Variants in C10orf90 observed in about 807,000 individuals in gnomAD.
C10orf90 encodes the protein chromosome 10 open reading frame 90.
A neutral mutation model predicts 62.5 loss-of-function variants in C10orf90; 56 were observed. That is an observed-to-expected ratio of 0.90 (90% CI 0.72 to 1.12). The LOEUF (loss-of-function observed/expected upper bound fraction) is 1.12. Ranked by LOEUF, C10orf90 falls within the 50% of genes most tolerant of loss-of-function variation. The pLI is 0.00. For synonymous variants in C10orf90, 386 were observed against 340.4 expected (o/e 1.13, Z -1.47); for missense variants, 970 against 880.4 (o/e 1.10, Z -1.29).
Position 126,473,659 on chromosome 10 carries a change from T to A in C10orf90, c.1535-8673A>T, listed in dbSNP as rs896166071. ...CACCTCTGGATTTTTATTTTTTTTT[T>A]ACAATAGATACGCTCTTACATTTTT... is the stretch of plus-strand genomic sequence containing the variant. On this transcript the variant is annotated intron_variant, in intron 4 of 9. Coordinates refer to ENST00000488181, the MANE Select transcript of C10orf90 (RefSeq NM_001350921.2). Among the ~76,000 whole-genome samples, 6 of 152,046 alleles carry A rather than the reference T, an allele frequency of 3.9e-5. 1 individual carries two copies.
intron 2 of C10orf90, among the ~76,000 whole-genome samples, chr10:126,644,381 C>A (rs1214517871): frequency 6.6e-6 from 1 of 152,222 alleles, no homozygotes; most frequent in East Asian, 1.9e-4. Flanking sequence ...ATGGAAACAA[C>A]CTTGCGGGAA....
chr10:126,515,950 A>C (rs1157035774), intron 2 of C10orf90, among the ~76,000 whole-genome samples: 4 of 152,320 alleles, frequency 2.6e-5, no homozygotes, highest in African/African-American at 9.6e-5. Context: ...CGTGAAGCAC[A>C]AATATAAGGG....
intron 4 of C10orf90, among the ~76,000 whole-genome samples, chr10:126,502,478 C>A (rs1018816286): frequency 2.0e-5 from 3 of 152,170 alleles, no homozygotes; most frequent in African/African-American, 4.8e-5. Context: ...AAATCACAAT[C>A]AAAAATCTTC....
intron 2 of C10orf90, among the ~76,000 whole-genome samples, chr10:126,565,021 T>C (rs372570901): frequency 1.1e-4 from 1 of 9,192 alleles, no homozygotes; most frequent in Non-Finnish European, 1.8e-4. Flanking sequence ...ATAATATATA[T>C]TATATATTAT....
intron 2 of C10orf90, among the ~76,000 whole-genome samples, chr10:126,531,390 C>T (rs978693554): frequency 1.3e-5 from 2 of 152,020 alleles, no homozygotes; most frequent in Admixed American, 6.6e-5. Context: ...TGAGGATGCA[C>T]GGGACAGCCC....
At chr10:126,640,998 C>T (rs79968652) in intron 2 of C10orf90, among the ~76,000 whole-genome samples, 1,645 of 152,206 alleles carry the variant, frequency 0.011, 24 homozygotes, top group African/African-American at 0.038. Flanking sequence ...TACAATGAAA[C>T]GGTTTCTGTA....
chr10:126,633,165 G>T (rs1039366962), intron 2 of C10orf90, among the ~76,000 whole-genome samples: 1 of 152,194 alleles, frequency 6.6e-6, no homozygotes. Context: ...AGGGGGTGAT[G>T]TCCAGGTTCT....
At chr10:126,446,633 A>C (rs2134050233) in intron 7 of C10orf90, among the ~76,000 whole-genome samples, 1 of 152,300 alleles carries the variant, frequency 6.6e-6, no homozygotes, top group Non-Finnish European at 1.5e-5. Context: ...ATTCTGAAGA[A>C]GTTTTTCACA....
At chr10:126,496,072 T>C (rs1255828044) in intron 4 of C10orf90, among the ~76,000 whole-genome samples, 1 of 152,336 alleles carries the variant, frequency 6.6e-6, no homozygotes, top group East Asian at 1.9e-4. Context: ...TACTCATGTA[T>C]AGACAGTTGC....
At chr10:126,494,234 A>G (rs1369689316) in intron 4 of C10orf90, among the ~76,000 whole-genome samples, 1 of 152,208 alleles carries the variant, frequency 6.6e-6, no homozygotes. Context: ...CCACCTGAAG[A>G]TTGAGTAGAT....
At chr10:126,503,299 C>G (rs1591026915) in intron 4 of C10orf90, among the ~76,000 whole-genome samples, 1 of 152,306 alleles carries the variant, frequency 6.6e-6, no homozygotes, top group African/African-American at 2.4e-5. Flanking sequence ...ATGGCAGAAA[C>G]AGCAACAAAT....
intron 2 of C10orf90, among the ~76,000 whole-genome samples, chr10:126,590,001 T>A (rs1844947848): frequency 6.6e-6 from 1 of 151,806 alleles, no homozygotes; most frequent in South Asian, 2.1e-4. Flanking sequence ...TGGAGGAAAA[T>A]TTACCAAGAA....
intron 8 of C10orf90, 123 bp downstream of exon 8, chr10:126,429,664 A>G: frequency 1.3e-6 from 1 of 748,572 alleles, no homozygotes. Flanking sequence ...ATTTGCAGCC[A>G]AAAAGACCTC....
rs948490340 is a variant in C10orf90, at chr10:126,553,109, A to G, written c.314-39170T>C. Reference sequence around the variant, plus strand: ...ATATCTTCATGATCTTGGCACAAAGATTTCTTTAAAAGGATACAGAAAAGC... The same window carrying G: ...ATATCTTCATGATCTTGGCACAAAGGTTTCTTTAAAAGGATACAGAAAAGC... On this transcript the variant is annotated intron_variant, in intron 2 of 9. Transcript: ENST00000488181. 9.2e-5 allele frequency among the ~76,000 whole-genome samples: 14 copies of G among 152,324 alleles called. 1 individual carries two copies. In the South Asian group the frequency reaches 2.9e-3, roughly 32 times the overall value.
chr10:126,585,472 G>A (rs1043953762), intron 2 of C10orf90, among the ~76,000 whole-genome samples: 3 of 150,498 alleles, frequency 2.0e-5, no homozygotes, highest in African/African-American at 7.3e-5. Context: ...AGGAAAGGAA[G>A]AGAGGGGGAA....
chr10:126,517,544 C>T (rs1390550473), intron 2 of C10orf90, among the ~76,000 whole-genome samples: 1 of 152,134 alleles, frequency 6.6e-6, no homozygotes, highest in Non-Finnish European at 1.5e-5. Flanking sequence ...GGGAGAGTGA[C>T]TGACAATGGC....
intron 2 of C10orf90, among the ~76,000 whole-genome samples, chr10:126,562,527 G>T (rs1864926205): frequency 6.6e-6 from 1 of 152,200 alleles, no homozygotes; most frequent in Non-Finnish European, 1.5e-5. Context: ...GTGGCACCCT[G>T]GGTGGCCCAA....
At chr10:126,628,534 G>C (rs1334185481) in intron 2 of C10orf90, among the ~76,000 whole-genome samples, 11 of 152,190 alleles carry the variant, frequency 7.2e-5, no homozygotes, top group Admixed American at 6.5e-4. Flanking sequence ...CTTGAGGTCT[G>C]GTGGTCACTG....
intron 4 of C10orf90, among the ~76,000 whole-genome samples, chr10:126,482,980 A>T (rs1400798617): frequency 6.6e-6 from 1 of 152,258 alleles, no homozygotes; most frequent in Non-Finnish European, 1.5e-5. Context: ...CTCTTGCTGA[A>T]TAATACACAA....
Sources: allele counts gnomAD v4.1 joint callset (sites outside exome capture counted in the v4.1 genomes callset), GRCh38; gene constraint gnomAD v4.1.1; transcripts MANE v1.5; gene names NCBI Gene and HGNC (gene_info 2026-07-23, HGNC 2026-07-21).